The following GPBP1L1 variants were observed in gnomAD, a reference collection of about 807,000 sequenced individuals.
The protein encoded by GPBP1L1 is GC-rich promoter binding protein 1 like 1, also known as vasculin-like protein 1.
Under a neutral mutation model 52.5 loss-of-function variants are expected in GPBP1L1, and 23 were observed. The ratio of observed to expected loss-of-function variants is 0.44; its 90% CI spans 0.32 to 0.62. The LOEUF (loss-of-function observed/expected upper bound fraction) is 0.62, where lower values mean the gene tolerates loss of function less well. GPBP1L1 is among the 20% of genes least tolerant of loss of function. GPBP1L1 has a pLI of 0.06. For missense variants in GPBP1L1, 596 were observed against 579.3 expected (o/e 1.03, Z -0.30); for synonymous variants, 243 against 203.1 (o/e 1.20, Z -1.67).
Position 45,628,308 on chromosome 1 carries a change from G to C in GPBP1L1, c.1373C>G (p.Ser458Ter). The C allele has an allele frequency of 1.2e-6, 2 of 1,614,118 alleles. No individual in the cohort carries two copies. Among genetic ancestry groups the C allele is most frequent in the Non-Finnish European group, 1.7e-6 (2 of 1,180,010 alleles). Residue 458 changes from serine (S) to a stop codon, truncating the protein, a stop_gained, in exon 13 of 13, where the codon TCA becomes TGA. Transcript: ENST00000355105. LOFTEE classifies it high-confidence loss of function. ...TTCACTGCTACTGGTTTCGGTGTCT[G>C]AGTCCTCAAACTCTGCTTTGCAAGT... ...RSTCKAEFED[S>*]DTETSSSETS...
At chr1:45,670,787 CTTTT>C (rs1157864588) in intron 2 of GPBP1L1, among the ~76,000 whole-genome samples, 2 of 111,196 alleles carry the variant, frequency 1.8e-5, no homozygotes, top group African/African-American at 3.4e-5. Flanking sequence ...TACCATATGT[CTTTT>C]TTTTTTTTTT....
intron 2 of GPBP1L1, among the ~76,000 whole-genome samples, chr1:45,663,109 C>A (rs757879091): frequency 6.7e-6 from 1 of 148,798 alleles, no homozygotes; most frequent in Non-Finnish European, 1.5e-5. Flanking sequence ...ACACCTGTAA[C>A]TCTCAGTAAT....
At chr1:45,664,981 T>C (rs567322621) in intron 2 of GPBP1L1, among the ~76,000 whole-genome samples, 2 of 151,754 alleles carry the variant, frequency 1.3e-5, no homozygotes, top group African/African-American at 2.4e-5. Flanking sequence ...CCTGGCCTCA[T>C]AGAACTGTTA....
intron 2 of GPBP1L1, among the ~76,000 whole-genome samples, chr1:45,680,235 CT>C (rs58188753): frequency 0.038 from 4,967 of 130,054 alleles, 76 homozygotes; most frequent in East Asian, 0.069. Flanking sequence ...TTGAGACACG[CT>C]TTTTTTTTTT....
At chr1:45,648,589 G>A (rs185614823) in intron 6 of GPBP1L1, among the ~76,000 whole-genome samples, 7 of 152,186 alleles carry the variant, frequency 4.6e-5, no homozygotes, top group African/African-American at 1.7e-4. Flanking sequence ...TATTAACCAA[G>A]CCTCTTATAT....
At chr1:45,652,065 C>G (rs949963845) in intron 6 of GPBP1L1, among the ~76,000 whole-genome samples, 1 of 152,174 alleles carries the variant, frequency 6.6e-6, no homozygotes, top group African/African-American at 2.4e-5. Flanking sequence ...AACATTTTAG[C>G]CTGGTTAATT....
chr1:45,630,876 C>A (rs534784437), intron 10 of GPBP1L1: 3 of 395,294 alleles, frequency 7.6e-6, no homozygotes, highest in African/African-American at 4.1e-5. Context: ...TCAAGACTTA[C>A]CACAAAAGCT....
At chr1:45,654,951 G>T (rs1644866793) in intron 5 of GPBP1L1, 122 bp from the exon 6 acceptor site, 3 of 1,088,854 alleles carry the variant, frequency 2.8e-6, no homozygotes, top group Non-Finnish European at 3.9e-6. Context: ...ATAAAAAAAT[G>T]TATCTTTTCT....
At chr1:45,642,163 A>C (rs41303405) in intron 7 of GPBP1L1, among the ~76,000 whole-genome samples, 2,028 of 152,260 alleles carry the variant, frequency 0.013, 25 homozygotes, top group Non-Finnish European at 0.023. Flanking sequence ...AACACCACCA[A>C]AACAACTGCT....
At chr1:45,678,768 C>G (rs1387131666) in intron 2 of GPBP1L1, among the ~76,000 whole-genome samples, 2 of 152,112 alleles carry the variant, frequency 1.3e-5, no homozygotes, top group African/African-American at 4.8e-5. Context: ...GGATAGCTAG[C>G]TGTAATAAAC....
intron 2 of GPBP1L1, among the ~76,000 whole-genome samples, chr1:45,683,330 C>T (rs1232514853): frequency 3.3e-5 from 5 of 149,524 alleles, no homozygotes; most frequent in East Asian, 2.0e-4. Flanking sequence ...CTCAGCCTCC[C>T]GAGTAGCTGG....
intron 10 of GPBP1L1, among the ~76,000 whole-genome samples, chr1:45,632,932 CATG>C (rs1212245086): frequency 6.6e-6 from 1 of 152,210 alleles, no homozygotes; most frequent in Admixed American, 6.5e-5. Flanking sequence ...GGATGCTCCA[CATG>C]ATATGTCATC....
In GPBP1L1 at chr1:45,654,609, A is replaced by G. The variant is rs936888569; in HGVS notation, c.411T>C (p.Pro137=). Residue 137 remains proline (P), a synonymous_variant, in exon 6 of 13, where the codon CCT becomes CCC. Coordinates refer to ENST00000355105, the MANE Select transcript of GPBP1L1 (RefSeq NM_021639.5). ...CTTTCTTTTCTTCCCTAATCTCCAT[A>G]GGTGGCTTTTCCTGAAAAGCACACC... ...RKGCAFQEKP[P]MEIREEKKED... 3.1e-6 allele frequency: 5 copies of G among 1,614,026 alleles called. No homozygotes were observed. The Admixed American group carries it at 8.3e-5, about 27-fold the overall frequency.
At chr1:45,685,516 C>CCACCG (rs1645269581) in intron 2 of GPBP1L1, 60 bp downstream of exon 2, 1 of 152,208 alleles carries the variant, frequency 6.6e-6, no homozygotes, top group Non-Finnish European at 1.5e-5. Context: ...AACACACACA[C>CCACCG]CACCGCACCG....
intron 2 of GPBP1L1, among the ~76,000 whole-genome samples, chr1:45,675,304 T>A (rs1004406434): frequency 2.6e-5 from 4 of 151,402 alleles, no homozygotes; most frequent in Non-Finnish European, 5.9e-5. Context: ...TCAAAAAAAA[T>A]AAAAATAAAT....
chr1:45,654,905 A>G, intron 5 of GPBP1L1, 76 bp from the exon 6 acceptor site: 1 of 1,376,648 alleles, frequency 7.3e-7, no homozygotes, highest in African/African-American at 1.5e-5. Flanking sequence ...AAAGGCCTTC[A>G]GGAGACCTCG....
At chr1:45,684,284 G>GA (rs1234293953) in intron 2 of GPBP1L1, among the ~76,000 whole-genome samples, 1 of 135,066 alleles carries the variant, frequency 7.4e-6, no homozygotes, top group Non-Finnish European at 1.6e-5. Context: ...AAAAGAAAAA[G>GA]AAAAGAAAAG....
intron 2 of GPBP1L1, among the ~76,000 whole-genome samples, chr1:45,675,705 A>G (rs760365243): frequency 5.3e-5 from 8 of 151,962 alleles, no homozygotes; most frequent in Non-Finnish European, 1.0e-4. Flanking sequence ...ATGCCTGGCT[A>G]TATTTTGTAA....
chr1:45,681,698 C>T (rs2148522491), intron 2 of GPBP1L1, among the ~76,000 whole-genome samples: 1 of 152,306 alleles, frequency 6.6e-6, no homozygotes, highest in East Asian at 1.9e-4. Context: ...TTATTTATTA[C>T]AACAACCCTA....
Sources: allele counts gnomAD v4.1 joint callset (sites outside exome capture counted in the v4.1 genomes callset), GRCh38; gene constraint gnomAD v4.1.1; transcripts MANE v1.5; gene names NCBI Gene and HGNC (gene_info 2026-07-23, HGNC 2026-07-21).